The following SULT1B1 variants were observed in gnomAD, a reference collection of about 807,000 sequenced individuals.
SULT1B1 encodes the protein sulfotransferase family 1B member 1.
Under a neutral mutation model 34.6 loss-of-function variants are expected in SULT1B1, and 28 were observed. The observed-to-expected ratio is 0.81, with a 90% confidence interval of 0.60 to 1.11. The LOEUF (loss-of-function observed/expected upper bound fraction) is 1.11, where lower values mean the gene tolerates loss of function less well. SULT1B1 is among the 50% of genes least tolerant of loss of function. The pLI, the probability that SULT1B1 is intolerant of heterozygous loss-of-function variation, is 0.00. For missense variants in SULT1B1, 374 were observed against 352.2 expected (o/e 1.06, Z -0.50); for synonymous variants, 147 against 110.2 (o/e 1.33, Z -2.09).
chr4:69,745,668 C>T (rs2110026302), intron 4 of SULT1B1, among the ~76,000 whole-genome samples: 1 of 152,242 alleles, frequency 6.6e-6, no homozygotes, highest in Non-Finnish European at 1.5e-5. Context: ...ATCCAACTTG[C>T]CAGTCTGTGC....
intron 2 of SULT1B1, 63 bp downstream of exon 2, chr4:69,755,007 A>C: frequency 1.4e-6 from 2 of 1,404,220 alleles, no homozygotes; most frequent in Non-Finnish European, 1.0e-6. Flanking sequence ...TTTTATGGAC[A>C]AGTTGATTTC....
chr4:69,746,485 T>G (rs1202831082), intron 4 of SULT1B1, among the ~76,000 whole-genome samples: 1 of 152,174 alleles, frequency 6.6e-6, no homozygotes, highest in Non-Finnish European at 1.5e-5. Context: ...CTCAGCTTGG[T>G]CTATTCTATT....
At position 69,726,430 on chromosome 4, in the gene SULT1B1, A is replaced by T. The variant is rs1035179382; in HGVS notation, c.*658T>A. On this transcript the variant is annotated 3_prime_UTR_variant, in exon 8 of 8. Transcript: ENST00000310613. ...ACAGCCCTCAGGGCTGCTTTTCAGA[A>T]CAGAGCTCCAGTTCCCAGGTAACCA... is the stretch of plus-strand genomic sequence containing the variant. 1.3e-5 allele frequency: 2 copies of T among 151,906 alleles called. No individual in the cohort carries two copies. Among genetic ancestry groups the T allele is most frequent in the Non-Finnish European group, 2.9e-5 (2 of 67,956 alleles). 9.4% of individuals were successfully genotyped at this position (151,906 alleles called of 1,614,324 possible).
At chr4:69,742,152 C>T (rs1433270892) in intron 4 of SULT1B1, among the ~76,000 whole-genome samples, 1 of 152,018 alleles carries the variant, frequency 6.6e-6, no homozygotes, top group East Asian at 1.9e-4. Flanking sequence ...GTTTTTAGTA[C>T]TTTCTGTATG....
At position 69,721,782 on chromosome 4, in the gene SULT1B1, G is replaced by T. The variant is rs1305464913; in HGVS notation, c.*5306C>A. On this transcript the variant is annotated 3_prime_UTR_variant, in exon 8 of 8. Transcript: ENST00000310613. ...CAATGCTTTGGCTTTTTAGAAAATA[G>T]CCCTTTAGTTTATTAAGGAAAATTT... 2.0e-5 allele frequency: 3 copies of T among 152,020 alleles called. No individual in the cohort carries two copies. The highest frequency in any genetic ancestry group is 4.4e-5 in the Non-Finnish European group (3 of 67,960). The allele number at this position is 152,020 out of a possible 1,614,324, so 9.4% of individuals were successfully genotyped here. A position where few individuals can be genotyped will look rare whatever the true frequency, so the allele number is the denominator to read the frequency against.
At position 69,755,313 on chromosome 4, in the gene SULT1B1, T is replaced by G. The variant is rs11569732; in HGVS notation, c.-44-52A>C. On this transcript the variant is annotated intron_variant, in intron 1 of 7. Coordinates refer to ENST00000310613, the MANE Select transcript of SULT1B1 (RefSeq NM_014465.4). Reference sequence around the variant, plus strand: ...AGAATCTGAGTAACTAATGTTGGTCTTAAGACACTGCAATTTGTCACAAAG... The same window carrying G: ...AGAATCTGAGTAACTAATGTTGGTCGTAAGACACTGCAATTTGTCACAAAG... The G allele has an allele frequency of 2.6e-4, 364 of 1,377,814 alleles. 1 individual carries two copies. In the African/African-American group the frequency reaches 4.4e-3, roughly 17 times the overall value. 85.3% of individuals were successfully genotyped at this position (1,377,814 alleles called of 1,614,324 possible).
chr4:69,755,111 C>A lies in SULT1B1; in HGVS notation c.107G>T (p.Ser36Ile), dbSNP rs1488995585. The change falls in exon 2 of 8, where the codon AGC becomes ATC. Residue 36 changes from serine (S) to isoleucine (I), a missense_variant. By Grantham distance (142) the Ser-to-Ile change is moderately radical (BLOSUM62 -2). Transcript: ENST00000310613. ...SNWEKIEQFH[S>I]RPDDIVIATY... is the part of the protein sequence containing the mutation. ...GGCTATCACAATGTCATCTGGTCTG[C>A]TATGGAACTGTTCAATTTTTTCCCA... 1 of 1,613,952 alleles carries A rather than the reference C, an allele frequency of 6.2e-7. No homozygotes were observed. The highest frequency in any genetic ancestry group is 1.1e-5 in the South Asian group (1 of 91,072).
At chr4:69,743,427 G>A (rs1718627985) in intron 4 of SULT1B1, among the ~76,000 whole-genome samples, 1 of 152,124 alleles carries the variant, frequency 6.6e-6, no homozygotes, top group African/African-American at 2.4e-5. Flanking sequence ...ATTGGTCCAT[G>A]GGCAGCCATG....
intron 3 of SULT1B1, among the ~76,000 whole-genome samples, chr4:69,751,042 G>T (rs886712918): frequency 6.6e-6 from 1 of 152,082 alleles, no homozygotes; most frequent in Non-Finnish European, 1.5e-5. Context: ...TTAATAAAAT[G>T]GTTATTTATC....
chr4:69,731,592 CT>C (rs983656874), intron 6 of SULT1B1, among the ~76,000 whole-genome samples: 11 of 152,084 alleles, frequency 7.2e-5, no homozygotes, highest in African/African-American at 2.4e-4. Context: ...AATTACTGGA[CT>C]TTTTTTCAAA....
intron 3 of SULT1B1, among the ~76,000 whole-genome samples, chr4:69,752,079 T>A (rs1287464275): frequency 1.3e-5 from 2 of 152,244 alleles, no homozygotes; most frequent in African/African-American, 4.8e-5. Context: ...CATAACCATT[T>A]GTTTTAAGAA....
chr4:69,756,247 C>T (rs1270149820), intron 1 of SULT1B1, among the ~76,000 whole-genome samples: 1 of 151,584 alleles, frequency 6.6e-6, no homozygotes, highest in Non-Finnish European at 1.5e-5. Flanking sequence ...TGATTTTTTT[C>T]TCATTATGGT....
In SULT1B1 at chr4:69,753,146, G is replaced by T. The variant is rs541953287; in HGVS notation, c.277+1524C>A. ...TTAATTCATTATAATTTTCTCCAAT[G>T]TCACAAAGCTAACATTTCACAATTG... On this transcript the variant is annotated intron_variant, in intron 3 of 7. Coordinates refer to ENST00000310613, the MANE Select transcript of SULT1B1 (RefSeq NM_014465.4). Among the ~76,000 whole-genome samples, 12 of 152,156 alleles carry T rather than the reference G, an allele frequency of 7.9e-5. No homozygotes were observed. In the South Asian group the frequency reaches 2.5e-3, roughly 32 times the overall value.
At chr4:69,756,326 T>C (rs1256135214) in intron 1 of SULT1B1, among the ~76,000 whole-genome samples, 2 of 152,186 alleles carry the variant, frequency 1.3e-5, no homozygotes, top group Non-Finnish European at 2.9e-5. Context: ...GTTAACTTCT[T>C]CTTGATTAGA....
rs774227266 is a variant in SULT1B1 at position 69,730,504 on chromosome 4, T to C, written c.775A>G (p.Lys259Glu). ...TTAAACCCAGCAAAGTATTTACCTT[T>C]ACGCATAAAAGGGGATTTGCTATGA... ...MDHSKSPFMR[K>E]GTAGDWKNYF... is the part of the protein sequence containing the mutation. Residue 259 changes from lysine (K) to glutamate (E), a missense_variant, in exon 7 of 8, where the codon AAA becomes GAA. Coordinates refer to ENST00000310613, the MANE Select transcript of SULT1B1 (RefSeq NM_014465.4). The C allele has an allele frequency of 6.3e-7, 1 of 1,599,828 alleles. No individual in the cohort carries two copies. Among genetic ancestry groups the C allele is most frequent in the Non-Finnish European group, 8.6e-7 (1 of 1,168,702 alleles).
intron 7 of SULT1B1, among the ~76,000 whole-genome samples, chr4:69,730,024 C>G (rs1313222307): frequency 2.0e-5 from 3 of 152,020 alleles, no homozygotes; most frequent in Admixed American, 1.3e-4. Flanking sequence ...AGGGCTAAAA[C>G]TTCTTATAAG....
At chr4:69,749,118 A>C (rs1279542655) in intron 4 of SULT1B1, among the ~76,000 whole-genome samples, 1 of 152,052 alleles carries the variant, frequency 6.6e-6, no homozygotes, top group South Asian at 2.1e-4. Context: ...AGAGGGACAA[A>C]AAAGAAGGAG....
At chr4:69,732,206 G>A (rs1335674651) in intron 6 of SULT1B1, among the ~76,000 whole-genome samples, 2 of 152,142 alleles carry the variant, frequency 1.3e-5, no homozygotes, top group Admixed American at 6.5e-5. Context: ...TGTGTAAAGG[G>A]ACAATGATAA....
intron 4 of SULT1B1, among the ~76,000 whole-genome samples, chr4:69,744,752 C>G (rs763960396): frequency 6.6e-6 from 1 of 152,038 alleles, no homozygotes; most frequent in Non-Finnish European, 1.5e-5. Context: ...TTCGTTATTT[C>G]TTTTCTTCTG....
Sources: allele counts gnomAD v4.1 joint callset (sites outside exome capture counted in the v4.1 genomes callset), GRCh38; gene constraint gnomAD v4.1.1; transcripts MANE v1.5; gene names NCBI Gene and HGNC (gene_info 2026-07-23, HGNC 2026-07-21).